DMXL1: variants seen among roughly 807,000 people sequenced by gnomAD.
DMXL1 encodes dmX-like protein 1.
DMXL1 carries 99 observed loss-of-function variants against 319.2 expected under a neutral mutation model. The observed-to-expected ratio is 0.31, with a 90% CI of 0.26 to 0.37. DMXL1 has a LOEUF of 0.37. Ranked by LOEUF, DMXL1 falls within the 10% of genes least tolerant of loss-of-function variation. The pLI is 1.00. For synonymous variants in DMXL1, 1,385 were observed against 1,235.2 expected, an observed-to-expected ratio of 1.12 and a Z score of -2.54; for missense variants, 3,745 against 3,595.6, an observed-to-expected ratio of 1.04 and a Z score of -1.06.
chr5:119,183,045 T>C (rs1038977117), intron 28 of DMXL1, among the ~76,000 whole-genome samples: 3 of 152,222 alleles, frequency 2.0e-5, no homozygotes, highest in African/African-American at 7.2e-5. Context: ...GTAATGACTT[T>C]TTTATGTCTC....
Position 119,149,764 on chromosome 5 carries a change from G to A in DMXL1, c.3937G>A (p.Glu1313Lys). Residue 1313 changes from glutamate (E) to lysine (K), a missense_variant, in exon 18 of 44, where the codon GAA becomes AAA. Coordinates refer to ENST00000539542, the MANE Select transcript of DMXL1 (RefSeq NM_001290321.3). ...GGATATGGAAGATTCAGGTCTTTTT[G>A]AAGCAGCTCATGTACTTTCCCCGAC... The part of the protein sequence containing the change: ...SVDMEDSGLF[E>K]AAHVLSPTLP... 2 of 1,613,932 alleles carry A rather than the reference G, an allele frequency of 1.2e-6. No individual in the cohort carries two copies. The highest frequency in any genetic ancestry group is 2.2e-5 in the South Asian group (2 of 91,074).
At chr5:119,191,326 G>A (rs907283487) in intron 29 of DMXL1, among the ~76,000 whole-genome samples, 2 of 152,144 alleles carry the variant, frequency 1.3e-5, no homozygotes, top group African/African-American at 4.8e-5. Flanking sequence ...AACTGTAACT[G>A]TTCTCTGGTG....
At chr5:119,106,721 T>A (rs1262968479) in intron 4 of DMXL1, among the ~76,000 whole-genome samples, 2 of 152,174 alleles carry the variant, frequency 1.3e-5, no homozygotes, top group African/African-American at 4.8e-5. Context: ...AGGAGTGACC[T>A]TTGGAGAGGT....
At chr5:119,126,050 G>A (rs534757712) in intron 9 of DMXL1, among the ~76,000 whole-genome samples, 1 of 152,156 alleles carries the variant, frequency 6.6e-6, no homozygotes, top group South Asian at 2.1e-4. Context: ...CAGCACTTTG[G>A]GAGGCCGAGG....
In DMXL1 at chr5:119,167,826, T is replaced by G. The variant is rs1384965909; in HGVS notation, c.5360T>G (p.Leu1787Arg). 1 of 1,613,196 alleles carries G rather than the reference T, an allele frequency of 6.2e-7. No individual in the cohort carries two copies. The highest frequency in any genetic ancestry group is 2.2e-5 in the East Asian group (1 of 44,772). ...YWILEDYSGA[L>R]ETLIKQPIRE... is the part of the protein sequence containing the mutation. ...ATTTTGGAAGATTATAGTGGTGCTCTGGAAACATTAATAAAGCAACCTATC... is the reference window on the plus strand; with the variant it reads ...ATTTTGGAAGATTATAGTGGTGCTCGGGAAACATTAATAAAGCAACCTATC... Residue 1787 changes from leucine (L) to arginine (R), a missense_variant, in exon 23 of 44, where the codon CTG becomes CGG. Around this residue, in one of 4 missense-constraint regions of DMXL1, gnomAD observed 1,382 missense variants for 1,269.5 expected, o/e 1.09. Transcript: ENST00000539542.
Position 119,133,128 on chromosome 5 carries a change from A to G in DMXL1, c.1316-4A>G, listed in dbSNP as rs1298677574. The G allele has an allele frequency of 2.5e-6, 4 of 1,613,638 alleles. No individual in the cohort carries two copies. Among genetic ancestry groups the G allele is most frequent in the East Asian group, 2.2e-5 (1 of 44,866 alleles). On this transcript the variant is annotated splice_polypyrimidine_tract_variant and splice_region_variant and intron_variant, in intron 10 of 43. Transcript: ENST00000539542. ...ACTTGGTTCATGAACTCTTTTGCTT[A>G]TAGAAACTGATGATGGTGTTGATGA...
chr5:119,227,364 G>A (rs1462864324), intron 38 of DMXL1, among the ~76,000 whole-genome samples: 4 of 152,134 alleles, frequency 2.6e-5, no homozygotes, highest in Non-Finnish European at 5.9e-5. Context: ...AGTGAAGTCT[G>A]CTCTGCTGGA....
At chr5:119,114,404 A>G (rs971378201) in intron 5 of DMXL1, 71 bp from the exon 6 acceptor site, 31 of 1,103,860 alleles carry the variant, frequency 2.8e-5, no homozygotes, top group Non-Finnish European at 4.2e-5. Context: ...GCTGATTTAT[A>G]ATTTTGAGAA....
rs920039141 is a variant in DMXL1 at position 119,220,575 on chromosome 5, T to A, written c.8117T>A (p.Ile2706Lys). ...GTCTACACTTGGGTAGATGATGATA[T>A]AGAAGTGGAAACCAAAGGGTACCTT... ...TQVYTWVDDD[I>K]EVETKGSEDF... Residue 2706 changes from isoleucine (I) to lysine (K), a missense_variant, in exon 36 of 44, where the codon ATA becomes AAA. Physicochemically the swap from Ile to Lys is moderately radical, Grantham distance 102 (BLOSUM62 -3). This residue lies in a region of DMXL1 where 1,382 missense variants were observed against 1,269.5 expected (regional missense o/e 1.09). Coordinates refer to ENST00000539542, the MANE Select transcript of DMXL1 (RefSeq NM_001290321.3). 1 of 1,613,512 alleles carries A rather than the reference T, an allele frequency of 6.2e-7. No individual in the cohort carries two copies. Among genetic ancestry groups the A allele is most frequent in the Non-Finnish European group, 8.5e-7 (1 of 1,179,834 alleles).
At chr5:119,216,492 T>C (rs1783727561) in intron 34 of DMXL1, among the ~76,000 whole-genome samples, 1 of 152,192 alleles carries the variant, frequency 6.6e-6, no homozygotes, top group African/African-American at 2.4e-5. Context: ...CAGTGACCCT[T>C]TGTGGTCTGC....
intron 1 of DMXL1, among the ~76,000 whole-genome samples, chr5:119,073,576 C>T (rs1293048834): frequency 6.6e-6 from 1 of 152,144 alleles, no homozygotes; most frequent in Non-Finnish European, 1.5e-5. Flanking sequence ...GCTTGTTGCT[C>T]AGTTCTGCTG....
intron 34 of DMXL1, among the ~76,000 whole-genome samples, chr5:119,211,004 AT>A (rs565846459): frequency 0.061 from 7,293 of 118,664 alleles, 293 homozygotes; most frequent in African/African-American, 0.14. Flanking sequence ...TTATCAAATG[AT>A]TTTTTTTTTT....
At chr5:119,085,103 C>T (rs1467616745) in intron 1 of DMXL1, among the ~76,000 whole-genome samples, 1 of 151,864 alleles carries the variant, frequency 6.6e-6, no homozygotes, top group African/African-American at 2.4e-5. Flanking sequence ...CTGAGGAGGG[C>T]AGATCACATG....
chr5:119,109,520 T>C (rs1283139597), intron 4 of DMXL1, among the ~76,000 whole-genome samples: 1 of 152,230 alleles, frequency 6.6e-6, no homozygotes, highest in Admixed American at 6.5e-5. Flanking sequence ...CAGTCTCACC[T>C]TGGCATTTTT....
Position 119,116,156 on chromosome 5 carries a change from A to T in DMXL1, c.565-2A>T. The T allele has an allele frequency of 6.3e-7, 1 of 1,582,768 alleles. No homozygotes were observed. Among genetic ancestry groups the T allele is most frequent in the Non-Finnish European group, 8.6e-7 (1 of 1,165,458 alleles). On this transcript the variant is annotated splice_acceptor_variant, in intron 6 of 43. Transcript: ENST00000539542. LOFTEE classifies it high-confidence loss of function. The stretch of plus-strand genomic sequence containing the variant: ...TTTCTGTTTTGTTTTTTTTTTCCTT[A>T]GGATGACTGTCTTTTGAAGGTTTGG...
chr5:119,172,013 A>G (rs755821107), intron 25 of DMXL1, 44 bp downstream of exon 25: 26 of 1,497,864 alleles, frequency 1.7e-5, no homozygotes, highest in Non-Finnish European at 2.3e-5. Context: ...CTGTACAATG[A>G]TAAAACTACA....
At position 119,071,128 on chromosome 5, in the gene DMXL1, G is replaced by C. The variant is rs1325713053; in HGVS notation, c.-442G>C. On this transcript the variant is annotated 5_prime_UTR_variant, in exon 1 of 44. Coordinates refer to ENST00000539542, the MANE Select transcript of DMXL1 (RefSeq NM_001290321.3). ...TGGCGGAGGACTGTGGGGGTGGCGG[G>C]CACCGGAGCCGGGAAGGGACAGGTC... The C allele has an allele frequency of 1.1e-5, 2 of 188,322 alleles. No homozygotes were observed. The highest frequency in any genetic ancestry group is 2.2e-5 in the Non-Finnish European group (2 of 89,458). 11.7% of individuals were successfully genotyped at this position (188,322 alleles called of 1,614,324 possible).
chr5:119,081,139 G>A (rs11955713), intron 1 of DMXL1, among the ~76,000 whole-genome samples: 257 of 152,248 alleles, frequency 1.7e-3, no homozygotes, highest in Middle Eastern at 6.8e-3. Flanking sequence ...AGGACAAATG[G>A]GACAAAGAAA....
chr5:119,170,558 G>A lies in DMXL1; in HGVS notation c.5767G>A (p.Asp1923Asn). ...DAREDKSSAV[D>N]WSQSLINGFG... ...AAGGGAAGATAAGTCTTCTGCTGTT[G>A]ATTGGTCACAGTCACTGATAAATGG... Residue 1923 changes from aspartate to asparagine, a missense_variant, in exon 24 of 44, where the codon GAT (aspartate) becomes AAT (asparagine). By Grantham distance (23) the Asp-to-Asn change is conservative (BLOSUM62 1). This residue lies in a region of DMXL1 where 1,382 missense variants were observed against 1,269.5 expected (regional missense o/e 1.09). Transcript: ENST00000539542. 1 of 1,613,850 alleles carries A rather than the reference G, an allele frequency of 6.2e-7. No homozygotes were observed. Among genetic ancestry groups the A allele is most frequent in the Non-Finnish European group, 8.5e-7 (1 of 1,179,898 alleles).
Sources: allele counts gnomAD v4.1 joint callset (sites outside exome capture counted in the v4.1 genomes callset), GRCh38; gene constraint gnomAD v4.1.1; regional missense constraint gnomAD v4.1.1; transcripts MANE v1.5; gene names NCBI Gene and HGNC (gene_info 2026-07-23, HGNC 2026-07-21).